ARHGAP10: variants seen among roughly 807,000 people sequenced by gnomAD.
ARHGAP10 encodes the protein Rho GTPase activating protein 10.
In ARHGAP10, 87 loss-of-function variants were observed where a neutral mutation model predicts 108.6. The ratio of observed to expected loss-of-function variants is 0.80; its 90% CI spans 0.67 to 0.96. ARHGAP10 has a LOEUF of 0.96. Ranked by LOEUF, ARHGAP10 falls within the 40% of genes least tolerant of loss-of-function variation. The pLI, the probability that ARHGAP10 is intolerant of heterozygous loss-of-function variation, is 0.00. For missense variants in ARHGAP10, 939 were observed against 954.5 expected, an observed-to-expected ratio of 0.98 and a Z score of 0.21; for synonymous variants, 347 against 341.1, an observed-to-expected ratio of 1.02 and a Z score of -0.19.
chr4:147,735,056 C>G (rs1002772773), intron 1 of ARHGAP10, among the ~76,000 whole-genome samples: 3 of 152,124 alleles, frequency 2.0e-5, no homozygotes, highest in African/African-American at 7.2e-5. Context: ...GCTTTGAAGT[C>G]TTCCATAAAT....
chr4:147,780,848 C>A (rs534273324), intron 1 of ARHGAP10, among the ~76,000 whole-genome samples: 1 of 152,224 alleles, frequency 6.6e-6, no homozygotes, highest in Admixed American at 6.5e-5. Context: ...GAGAGCAAGT[C>A]CACCTAGGGT....
At chr4:147,991,264 G>A (rs1740265572) in intron 18 of ARHGAP10, among the ~76,000 whole-genome samples, 1 of 152,076 alleles carries the variant, frequency 6.6e-6, no homozygotes, top group Admixed American at 6.5e-5. Flanking sequence ...GAGATTTACT[G>A]GAAGGACCCG....
chr4:147,988,793 G>GC (rs1032172307), intron 18 of ARHGAP10, among the ~76,000 whole-genome samples: 1 of 152,132 alleles, frequency 6.6e-6, no homozygotes, highest in African/African-American at 2.4e-5. Flanking sequence ...AGGTAAAGAT[G>GC]CCCCTCACCT....
intron 20 of ARHGAP10, among the ~76,000 whole-genome samples, chr4:148,056,975 C>CGAA (rs949903131): frequency 5.3e-5 from 8 of 152,176 alleles, no homozygotes; most frequent in African/African-American, 1.9e-4. Flanking sequence ...GTGACCCAGC[C>CGAA]GATGAGTCAT....
At chr4:148,068,858 G>C (rs1267204764) in intron 22 of ARHGAP10, among the ~76,000 whole-genome samples, 1 of 152,158 alleles carries the variant, frequency 6.6e-6, no homozygotes, top group Non-Finnish European at 1.5e-5. Context: ...GTTGGTGGAA[G>C]GGACCTGCCT....
rs74880402 is a variant in ARHGAP10, at chr4:147,961,799, G to A, written c.1451-3225G>A. On this transcript the variant is annotated intron_variant, in intron 16 of 22. Transcript: ENST00000336498. ...ATTCCTTGACCTCTCCTTACCTCTC[G>A]AGTCCACTGGCTGTGCCCAGCCTTT... Among the ~76,000 whole-genome samples the A allele has an allele frequency of 2.4e-3, 364 of 152,068 alleles. 2 individuals carry two copies. The highest frequency in any genetic ancestry group is 8.4e-3 in the African/African-American group (348 of 41,460).
At chr4:147,837,972 C>T (rs148696914) in intron 3 of ARHGAP10, among the ~76,000 whole-genome samples, 148 of 152,198 alleles carry the variant, frequency 9.7e-4, no homozygotes, top group Middle Eastern at 3.4e-3. Flanking sequence ...TGCATATGTA[C>T]ATCTGCTAGA....
chr4:147,827,013 A>T (rs1177228613), intron 3 of ARHGAP10, among the ~76,000 whole-genome samples: 1 of 152,128 alleles, frequency 6.6e-6, no homozygotes, highest in African/African-American at 2.4e-5. Context: ...TTTCTCCTTT[A>T]CAAGAATTCC....
At chr4:147,804,033 T>C (rs976733481) in intron 1 of ARHGAP10, among the ~76,000 whole-genome samples, 5 of 151,484 alleles carry the variant, frequency 3.3e-5, no homozygotes, top group Non-Finnish European at 7.4e-5. Flanking sequence ...GGGGTACATG[T>C]GCAGGTTTGT....
chr4:147,913,412 G>C (rs1470646941), intron 13 of ARHGAP10, among the ~76,000 whole-genome samples: 1 of 152,198 alleles, frequency 6.6e-6, no homozygotes, highest in Non-Finnish European at 1.5e-5. Context: ...AGATACCACA[G>C]ATTGGGTGGC....
intron 10 of ARHGAP10, among the ~76,000 whole-genome samples, chr4:147,906,422 C>G (rs1224671118): frequency 1.3e-5 from 2 of 152,080 alleles, no homozygotes; most frequent in Non-Finnish European, 2.9e-5. Context: ...GAAAAAAGTT[C>G]TGTTAATGGA....
At chr4:147,874,925 A>C in intron 7 of ARHGAP10, 96 bp from the exon 8 acceptor site, 1 of 1,284,674 alleles carries the variant, frequency 7.8e-7, no homozygotes, top group Non-Finnish European at 1.0e-6. Context: ...TTTAGAGTTA[A>C]AAAATGTAAT....
intron 18 of ARHGAP10, among the ~76,000 whole-genome samples, chr4:148,015,631 T>G (rs567161624): frequency 1.3e-5 from 2 of 152,314 alleles, no homozygotes; most frequent in African/African-American, 4.8e-5. Context: ...GGAAAAGGTT[T>G]TCATTGCTTT....
At position 147,983,124 on chromosome 4, in the gene ARHGAP10, C is replaced by T. The variant is rs188714223; in HGVS notation, c.1716+16285C>T. The stretch of plus-strand genomic sequence containing the variant: ...CTTGAACTCTTGGGCTCAGAAGATC[C>T]ACCCGCCTTGGCCTCCCAAAGTGCT... On this transcript the variant is annotated intron_variant, in intron 18 of 22. Coordinates refer to ENST00000336498, the MANE Select transcript of ARHGAP10 (RefSeq NM_024605.4). Among the ~76,000 whole-genome samples, 282 of 151,816 alleles carry T rather than the reference C, an allele frequency of 1.9e-3. 1 individual carries two copies. Among genetic ancestry groups the T allele is most frequent in the African/African-American group, 6.2e-3 (256 of 41,406 alleles).
intron 18 of ARHGAP10, among the ~76,000 whole-genome samples, chr4:147,969,793 A>G (rs1739339210): frequency 6.6e-6 from 1 of 152,202 alleles, no homozygotes. Context: ...TCGCTTTCAG[A>G]GCTTTATAGA....
chr4:147,918,371 G>A (rs1287573073), intron 13 of ARHGAP10, among the ~76,000 whole-genome samples: 5 of 152,014 alleles, frequency 3.3e-5, no homozygotes, highest in Non-Finnish European at 5.9e-5. Context: ...TCCTGACCTC[G>A]TGATCCACCT....
chr4:147,905,886 G>A (rs2126908417), intron 10 of ARHGAP10, among the ~76,000 whole-genome samples: 1 of 152,190 alleles, frequency 6.6e-6, no homozygotes, highest in African/African-American at 2.4e-5. Context: ...TCTTCCATTT[G>A]TTTGTATTCT....
chr4:147,876,243 A>T (rs1735052897), intron 8 of ARHGAP10, among the ~76,000 whole-genome samples: 3 of 152,104 alleles, frequency 2.0e-5, no homozygotes, highest in Admixed American at 2.0e-4. Context: ...CATTTTTCTC[A>T]TACATTATCT....
intron 1 of ARHGAP10, among the ~76,000 whole-genome samples, chr4:147,749,279 C>T (rs910139111): frequency 1.3e-5 from 2 of 151,966 alleles, no homozygotes; most frequent in Non-Finnish European, 2.9e-5. Context: ...GAACCCCTGA[C>T]CAGAGGAAAA....
Sources: allele counts gnomAD v4.1 joint callset (sites outside exome capture counted in the v4.1 genomes callset), GRCh38; gene constraint gnomAD v4.1.1; transcripts MANE v1.5; gene names NCBI Gene and HGNC (gene_info 2026-07-23, HGNC 2026-07-21).